Variants in THADA observed in about 807,000 individuals in gnomAD.
THADA encodes the protein tRNA (32-2'-O)-methyltransferase regulator THADA.
A neutral mutation model predicts 219.8 loss-of-function variants in THADA; 213 were observed. The ratio of observed to expected loss-of-function variants is 0.97; its 90% CI spans 0.87 to 1.09. The LOEUF (loss-of-function observed/expected upper bound fraction) is 1.09. THADA is among the 50% of genes least tolerant of loss of function. THADA has a pLI of 0.00. For synonymous variants in THADA, 1,018 were observed against 828.9 expected, an observed-to-expected ratio of 1.23 and a Z score of -3.92; for missense variants, 2,956 against 2,311.3, an observed-to-expected ratio of 1.28 and a Z score of -5.72.
intron 26 of THADA, among the ~76,000 whole-genome samples, chr2:43,433,042 AC>A (rs1384479949): frequency 2.0e-5 from 3 of 152,156 alleles, no homozygotes; most frequent in Admixed American, 2.0e-4. Context: ...ATCTCTACCT[AC>A]CTAAGAAAGA....
intron 23 of THADA, among the ~76,000 whole-genome samples, chr2:43,508,179 G>A (rs1484273636): frequency 1.3e-5 from 2 of 152,034 alleles, no homozygotes; most frequent in East Asian, 3.8e-4. Context: ...ACTAATAAAT[G>A]TCAGCTACTA....
intron 36 of THADA, among the ~76,000 whole-genome samples, chr2:43,277,919 C>T (rs6760167): frequency 0.14 from 21,785 of 150,812 alleles, 1,763 homozygotes; most frequent in African/African-American, 0.22. Flanking sequence ...ACTTGATATC[C>T]TTGAGAGATG....
intron 26 of THADA, among the ~76,000 whole-genome samples, chr2:43,477,783 T>C (rs1307125904): frequency 6.6e-6 from 1 of 152,274 alleles, no homozygotes; most frequent in Non-Finnish European, 1.5e-5. Context: ...ATCCTTGCTC[T>C]AGGAATGAAT....
chr2:43,240,648 T>A (rs1436057618), intron 36 of THADA, among the ~76,000 whole-genome samples: 1 of 152,106 alleles, frequency 6.6e-6, no homozygotes, highest in African/African-American at 2.4e-5. Flanking sequence ...TCAAATGCCA[T>A]CATTTCAACC....
At chr2:43,552,450 T>TAAAAA (rs2103885428) in intron 17 of THADA, 111 bp from the exon 18 acceptor site, 3 of 1,145,120 alleles carry the variant, frequency 2.6e-6, no homozygotes, top group Non-Finnish European at 2.4e-6. Context: ...AACTTTACAC[T>TAAAAA]AGAGTTTTTT....
chr2:43,469,277 T>C (rs1684635934), intron 26 of THADA, among the ~76,000 whole-genome samples: 1 of 152,186 alleles, frequency 6.6e-6, no homozygotes, highest in South Asian at 2.1e-4. Flanking sequence ...TGTGTTTATT[T>C]GTTGGGGTGG....
Position 43,267,960 on chromosome 2 carries a change from T to C in THADA, c.5296+11805A>G, listed in dbSNP as rs191590445. ...ATACACCCCAAGCTGACAGCCCTGG[T>C]TGTACTCCAGTAACTTCAGTACTTC... On this transcript the variant is annotated intron_variant, in intron 36 of 37. Coordinates refer to ENST00000405975, the MANE Select transcript of THADA (RefSeq NM_022065.5). Among the ~76,000 whole-genome samples, 242 of 152,214 alleles carry C rather than the reference T, an allele frequency of 1.6e-3. 7 individuals carry two copies. The East Asian group carries it at 0.037, about 23-fold the overall frequency.
At chr2:43,585,801 A>AAC (rs934980959) in intron 7 of THADA, among the ~76,000 whole-genome samples, 78 of 152,112 alleles carry the variant, frequency 5.1e-4, no homozygotes, top group African/African-American at 1.8e-3. Flanking sequence ...ATGAAAAAGG[A>AAC]ACACACTCAG....
intron 29 of THADA, among the ~76,000 whole-genome samples, chr2:43,344,769 T>G (rs575243342): frequency 1.4e-5 from 2 of 144,208 alleles, no homozygotes; most frequent in East Asian, 4.0e-4. Flanking sequence ...GTTTTTTTTG[T>G]TTTTTTTTTT....
At chr2:43,272,884 C>T (rs1050713825) in intron 36 of THADA, among the ~76,000 whole-genome samples, 1 of 152,018 alleles carries the variant, frequency 6.6e-6, no homozygotes, top group Middle Eastern at 3.4e-3. Flanking sequence ...CCCCGGCCTC[C>T]GAAAGTGCTG....
At chr2:43,277,073 C>T (rs191342831) in intron 36 of THADA, among the ~76,000 whole-genome samples, 6 of 152,282 alleles carry the variant, frequency 3.9e-5, no homozygotes, top group Non-Finnish European at 7.4e-5. Flanking sequence ...CAGCTGATTT[C>T]CCTGCCTGGC....
intron 26 of THADA, among the ~76,000 whole-genome samples, chr2:43,434,092 A>G (rs1348856856): frequency 2.6e-5 from 4 of 152,248 alleles, no homozygotes; most frequent in African/African-American, 7.2e-5. Flanking sequence ...TCACCCAGAT[A>G]GCTAAAAAAA....
intron 28 of THADA, among the ~76,000 whole-genome samples, chr2:43,399,457 T>C (rs1297880232): frequency 2.0e-5 from 3 of 152,164 alleles, no homozygotes; most frequent in Non-Finnish European, 4.4e-5. Flanking sequence ...TATTCTAATA[T>C]GCCAACAGAA....
intron 12 of THADA, 66 bp from the exon 13 acceptor site, chr2:43,571,928 TTGC>T: frequency 2.6e-6 from 4 of 1,520,716 alleles, no homozygotes; most frequent in Non-Finnish European, 1.8e-6. Context: ...ATCACTTGAA[TTGC>T]TTACTTACAT....
intron 29 of THADA, among the ~76,000 whole-genome samples, chr2:43,387,456 T>C (rs1398133249): frequency 6.6e-6 from 1 of 152,194 alleles, no homozygotes; most frequent in African/African-American, 2.4e-5. Flanking sequence ...CTGAGTTTTG[T>C]ATCCCCCTAC....
Position 43,578,494 on chromosome 2 carries a change from A to G in THADA, c.816+19T>C, listed in dbSNP as rs773575124. ...CTAACTCTCAATAAAGTACAATTCT[A>G]AAAAGGAGATGCACTTACCAAATGA... On this transcript the variant is annotated intron_variant, in intron 9 of 37. Transcript: ENST00000405975. The G allele has an allele frequency of 4.4e-6, 7 of 1,573,076 alleles. No homozygotes were observed. In the South Asian group the frequency reaches 7.8e-5, roughly 18 times the overall value.
chr2:43,474,113 G>C (rs1034382319), intron 26 of THADA, among the ~76,000 whole-genome samples: 1 of 152,214 alleles, frequency 6.6e-6, no homozygotes, highest in Non-Finnish European at 1.5e-5. Flanking sequence ...ACAGGTAGGA[G>C]AGGCATATCA....
chr2:43,515,333 A>AAT (rs544207747), intron 22 of THADA, among the ~76,000 whole-genome samples: 7 of 13,402 alleles, frequency 5.2e-4, no homozygotes, highest in Admixed American at 8.4e-4. Flanking sequence ...TATAATATAT[A>AAT]ATATAATATA....
intron 23 of THADA, among the ~76,000 whole-genome samples, chr2:43,506,629 T>C (rs371501661): frequency 2.6e-5 from 4 of 152,284 alleles, no homozygotes; most frequent in African/African-American, 9.6e-5. Context: ...GTTTCATGGG[T>C]TGATGTTCTA....
Sources: gnomAD v4.1 joint callset for allele counts (sites outside exome capture counted in the v4.1 genomes callset) on GRCh38, gnomAD v4.1.1 for gene constraint, MANE v1.5 for transcripts, NCBI Gene and HGNC (gene_info 2026-07-23, HGNC 2026-07-21) for gene names.